DIP2B: variants seen among roughly 807,000 people sequenced by gnomAD.
The protein encoded by DIP2B is disco-interacting protein 2 homolog B.
A neutral mutation model predicts 198.0 loss-of-function variants in DIP2B; 76 were observed. That is an observed-to-expected ratio of 0.38 (90% CI 0.32 to 0.46). DIP2B has a LOEUF of 0.46. Among genes scored for constraint, DIP2B ranks in the 20% least tolerant of loss-of-function variants. DIP2B has a pLI of 0.99. For synonymous variants in DIP2B, 701 were observed against 739.1 expected, an observed-to-expected ratio of 0.95 and a Z score of 0.84; for missense variants, 1,559 against 1,978.4, an observed-to-expected ratio of 0.79 and a Z score of 4.02.
At chr12:50,727,184 T>G (rs1939952527) in intron 28 of DIP2B, among the ~76,000 whole-genome samples, 1 of 152,224 alleles carries the variant, frequency 6.6e-6, no homozygotes. Flanking sequence ...CCATACATGA[T>G]TAATATAACA....
chr12:50,723,290 G>C lies in DIP2B; in HGVS notation c.3255G>C (p.Thr1085=), dbSNP rs368662580. ...GACCTCCACATGCTCAGAACCTCAC[G>C]GCCACGCTGCCCACTGTCCGAATGA... The part of the protein sequence containing the change: ...TVRPPHAQNL[T]ATLPTVRMIV... Residue 1085 remains threonine, a synonymous_variant, in exon 27 of 38, where the codon ACG becomes ACC. Coordinates refer to ENST00000301180, the MANE Select transcript of DIP2B (RefSeq NM_173602.3). The C allele has an allele frequency of 1.9e-6, 3 of 1,614,118 alleles. No homozygotes were observed. Among genetic ancestry groups the C allele is most frequent in the Non-Finnish European group, 2.5e-6 (3 of 1,180,022 alleles).
Position 50,586,880 on chromosome 12 carries a change from T to G in DIP2B, c.101-39096T>G, listed in dbSNP as rs368589768. 3.9e-5 allele frequency among the ~76,000 whole-genome samples: 6 copies of G among 152,342 alleles called. No individual in the cohort carries two copies. The East Asian group carries it at 7.7e-4, about 20-fold the overall frequency. ...GAGCCACTGTGCCCGGCAAAAAATT[T>G]TTTTAAATAAAAAGCTATTATAAAC... On this transcript the variant is annotated intron_variant, in intron 1 of 37. Coordinates refer to ENST00000301180, the MANE Select transcript of DIP2B (RefSeq NM_173602.3).
intron 3 of DIP2B, among the ~76,000 whole-genome samples, chr12:50,658,116 A>G (rs956969019): frequency 6.6e-6 from 1 of 151,664 alleles, no homozygotes; most frequent in African/African-American, 2.4e-5. Context: ...GAAAAAAAAG[A>G]AAAACAAGAA....
intron 13 of DIP2B, among the ~76,000 whole-genome samples, chr12:50,691,551 G>A (rs1406765967): frequency 1.3e-5 from 2 of 152,150 alleles, no homozygotes; most frequent in East Asian, 3.8e-4. Flanking sequence ...TTGAACTTTA[G>A]ATAGGTTGAT....
intron 3 of DIP2B, 21 bp from the exon 4 acceptor site, chr12:50,660,173 T>C (rs762660129): frequency 8.8e-6 from 14 of 1,598,566 alleles, no homozygotes; most frequent in Non-Finnish European, 1.2e-5. Context: ...AGCTAATAAA[T>C]GCAAATGTTT....
chr12:50,629,731 C>T (rs1053845816), intron 2 of DIP2B, among the ~76,000 whole-genome samples: 2 of 152,080 alleles, frequency 1.3e-5, no homozygotes, highest in African/African-American at 4.8e-5. Context: ...CCATTACTAA[C>T]CCCTCCCTGC....
At chr12:50,676,377 T>C (rs1197014214) in intron 7 of DIP2B, among the ~76,000 whole-genome samples, 11 of 152,230 alleles carry the variant, frequency 7.2e-5, no homozygotes, top group Non-Finnish European at 1.5e-4. Context: ...GATCTGGTCT[T>C]AGCCCAATTT....
chr12:50,529,153 C>T (rs910446628), intron 1 of DIP2B, among the ~76,000 whole-genome samples: 5 of 151,826 alleles, frequency 3.3e-5, no homozygotes, highest in East Asian at 1.9e-4. Flanking sequence ...TGGTGGCATG[C>T]GCCTGTAGTC....
At chr12:50,712,545 G>T (rs1939636802) in intron 22 of DIP2B, among the ~76,000 whole-genome samples, 1 of 150,756 alleles carries the variant, frequency 6.6e-6, no homozygotes, top group South Asian at 2.1e-4. Flanking sequence ...TGGAGGTTGT[G>T]GTGACCCGAG....
In DIP2B at chr12:50,713,190, T is replaced by C. The variant is rs146958848; in HGVS notation, c.2650-1205T>C. 2.9e-3 allele frequency among the ~76,000 whole-genome samples: 448 copies of C among 152,290 alleles called. 5 individuals are homozygous for C. Among genetic ancestry groups the C allele is most frequent in the African/African-American group, 0.01 (425 of 41,558 alleles). ...CTCAAATTCCTGAACTCAAACTGTCTTCTCACCTTGGCCTCCCAAAGTGCT... is the reference window on the plus strand; with the variant it reads ...CTCAAATTCCTGAACTCAAACTGTCCTCTCACCTTGGCCTCCCAAAGTGCT... On this transcript the variant is annotated intron_variant, in intron 22 of 37. Transcript: ENST00000301180.
chr12:50,686,542 C>T, intron 11 of DIP2B, 31 bp from the exon 12 acceptor site: 1 of 1,602,412 alleles, frequency 6.2e-7, no homozygotes, highest in Non-Finnish European at 8.5e-7. Flanking sequence ...ATGGCTTAGG[C>T]AATTCAATTT....
chr12:50,513,818 G>A (rs1958039318), intron 1 of DIP2B, among the ~76,000 whole-genome samples: 1 of 149,754 alleles, frequency 6.7e-6, no homozygotes, highest in Non-Finnish European at 1.5e-5. Flanking sequence ...AGGTTGCAGT[G>A]AGCTGAGATC....
chr12:50,584,411 C>T (rs962353057), intron 1 of DIP2B, among the ~76,000 whole-genome samples: 4 of 152,172 alleles, frequency 2.6e-5, no homozygotes, highest in East Asian at 1.9e-4. Context: ...CACTTCTCTC[C>T]GTCTGCATTT....
At chr12:50,742,577 C>T (rs1201257862) in intron 37 of DIP2B, among the ~76,000 whole-genome samples, 1 of 151,982 alleles carries the variant, frequency 6.6e-6, no homozygotes, top group African/African-American at 2.4e-5. Flanking sequence ...GTTGCTCATG[C>T]TTTCCAGATA....
intron 3 of DIP2B, 74 bp from the exon 4 acceptor site, chr12:50,660,120 G>GT: frequency 7.6e-7 from 1 of 1,311,950 alleles, no homozygotes; most frequent in Non-Finnish European, 9.9e-7. Context: ...AATTGAGGCA[G>GT]TGATAGTTCA....
intron 6 of DIP2B, among the ~76,000 whole-genome samples, 177 bp from the exon 7 acceptor site, chr12:50,675,150 GCA>G (rs1297589852): frequency 6.6e-6 from 1 of 152,160 alleles, no homozygotes; most frequent in Non-Finnish European, 1.5e-5. Context: ...ATTAATAATA[GCA>G]CCATATTTGT....
intron 1 of DIP2B, among the ~76,000 whole-genome samples, chr12:50,511,919 G>T (rs1410230481): frequency 8.2e-6 from 1 of 122,114 alleles, no homozygotes; most frequent in Non-Finnish European, 1.6e-5. Flanking sequence ...CTGCACTCCA[G>T]CCTGGCAACA....
At chr12:50,732,875 A>G (rs1041904599) in intron 32 of DIP2B, among the ~76,000 whole-genome samples, 5 of 151,196 alleles carry the variant, frequency 3.3e-5, no homozygotes, top group African/African-American at 4.9e-5. Flanking sequence ...TCCTATTTGG[A>G]TTTTACTTGT....
At chr12:50,685,740 A>C (rs1243571610) in intron 10 of DIP2B, 93 bp from the exon 11 acceptor site, 2 of 1,401,178 alleles carry the variant, frequency 1.4e-6, no homozygotes, top group Non-Finnish European at 1.9e-6. Context: ...AATGTTATCA[A>C]ACAAAATGCC....
Sources: allele counts gnomAD v4.1 joint callset (sites outside exome capture counted in the v4.1 genomes callset), GRCh38; gene constraint gnomAD v4.1.1; transcripts MANE v1.5; gene names NCBI Gene and HGNC (gene_info 2026-07-23, HGNC 2026-07-21).